ZBTB20: variants seen among roughly 807,000 people sequenced by gnomAD.
The protein encoded by ZBTB20 is zinc finger and BTB domain containing 20.
A neutral mutation model predicts 56.9 loss-of-function variants in ZBTB20; 9 were observed. That is an observed-to-expected ratio of 0.16 (90% CI 0.10 to 0.28). The LOEUF is 0.28. Ranked by LOEUF, ZBTB20 falls within the 10% of genes least tolerant of loss-of-function variation. The probability of loss-of-function intolerance (pLI) is 1.00; values close to 1 mark genes in which losing one functional copy is unlikely to be tolerated. For missense variants in ZBTB20, 655 were observed against 1,003.0 expected, an observed-to-expected ratio of 0.65 and a Z score of 4.69; for synonymous variants, 417 against 420.7, an observed-to-expected ratio of 0.99 and a Z score of 0.11.
chr3:114,909,538 C>A (rs2075446507), intron 3 of ZBTB20, among the ~76,000 whole-genome samples: 2 of 152,006 alleles, frequency 1.3e-5, no homozygotes. Flanking sequence ...CCTAGGCCTT[C>A]ACATTCATTA....
Position 114,532,751 on chromosome 3 carries a change from T to C in ZBTB20, c.-294-32360A>G, listed in dbSNP as rs2048003976. ...TCATACAGGAGAGCTCTGGGTGGCA[T>C]CTGGTGGGTGCCCCTCTGGGATGAA... is the stretch of plus-strand genomic sequence containing the variant. On this transcript the variant is annotated intron_variant, in intron 6 of 11. Coordinates refer to ENST00000675478, the MANE Select transcript of ZBTB20 (RefSeq NM_001348800.3). Among the ~76,000 whole-genome samples, 4 of 152,110 alleles carry C rather than the reference T, an allele frequency of 2.6e-5. No individual in the cohort carries two copies. In the South Asian group the frequency reaches 8.3e-4, roughly 32 times the overall value.
intron 6 of ZBTB20, among the ~76,000 whole-genome samples, chr3:114,681,129 T>C (rs1276876684): frequency 6.6e-6 from 1 of 151,862 alleles, no homozygotes; most frequent in African/African-American, 2.4e-5. Context: ...TATTTACCCA[T>C]TTTAATTAAA....
At chr3:115,066,186 T>C (rs2082200521) in intron 2 of ZBTB20, among the ~76,000 whole-genome samples, 2 of 152,094 alleles carry the variant, frequency 1.3e-5, no homozygotes, top group African/African-American at 4.8e-5. Context: ...CAAATGAATC[T>C]TTTATATCTT....
intron 5 of ZBTB20, among the ~76,000 whole-genome samples, chr3:114,779,192 A>C (rs2069868817): frequency 6.6e-6 from 1 of 152,158 alleles, no homozygotes; most frequent in Non-Finnish European, 1.5e-5. Flanking sequence ...CTTTAACACT[A>C]TGTACACCTA....
chr3:114,500,945 A>G (rs558274640), intron 6 of ZBTB20, among the ~76,000 whole-genome samples: 1 of 152,240 alleles, frequency 6.6e-6, no homozygotes, highest in Non-Finnish European at 1.5e-5. Context: ...ACTATACAGT[A>G]CATGACCAAT....
rs1365725588 is a variant in ZBTB20 at position 114,326,891 on chromosome 3, G to A, written c.*12114C>T. The A allele has an allele frequency of 6.6e-6, 1 of 152,028 alleles. No individual in the cohort carries two copies. Among genetic ancestry groups the A allele is most frequent in the African/African-American group, 2.4e-5 (1 of 41,394 alleles). The allele number at this position is 152,028 out of a possible 1,614,324, so 9.4% of individuals were successfully genotyped here. A position where few individuals can be genotyped will look rare whatever the true frequency, so the allele number is the denominator to read the frequency against. On this transcript the variant is annotated 3_prime_UTR_variant, in exon 12 of 12. Coordinates refer to ENST00000675478, the MANE Select transcript of ZBTB20 (RefSeq NM_001348800.3). ...TCAGAACATTTCCTAAGCTATATTTGTAAATTCTAGAGCTACATATCTGTA... is the reference window on the plus strand; with the variant it reads ...TCAGAACATTTCCTAAGCTATATTTATAAATTCTAGAGCTACATATCTGTA...
At chr3:114,479,569 A>T (rs936866865) in intron 7 of ZBTB20, among the ~76,000 whole-genome samples, 4 of 152,134 alleles carry the variant, frequency 2.6e-5, no homozygotes, top group Non-Finnish European at 5.9e-5. Context: ...CCATATTTGT[A>T]TTGTCCAACC....
intron 7 of ZBTB20, among the ~76,000 whole-genome samples, chr3:114,411,372 G>T (rs1398340610): frequency 1.3e-5 from 2 of 152,140 alleles, no homozygotes; most frequent in African/African-American, 4.8e-5. Flanking sequence ...ACAGTAAGGA[G>T]TGTCTGTAAG....
chr3:114,624,365 A>C (rs1272505721), intron 6 of ZBTB20, among the ~76,000 whole-genome samples: 2 of 151,914 alleles, frequency 1.3e-5, no homozygotes, highest in African/African-American at 4.8e-5. Flanking sequence ...AAACAAAAAA[A>C]AAAAAAACCC....
chr3:114,495,425 A>G (rs1051005643), intron 7 of ZBTB20, among the ~76,000 whole-genome samples: 5 of 151,756 alleles, frequency 3.3e-5, no homozygotes, highest in Non-Finnish European at 7.4e-5. Flanking sequence ...CATGTCCCTG[A>G]GGTGTGTATC....
At chr3:114,852,375 T>G (rs2075044487) in intron 4 of ZBTB20, among the ~76,000 whole-genome samples, 1 of 152,114 alleles carries the variant, frequency 6.6e-6, no homozygotes. Context: ...GTGATTCTCC[T>G]GCCTCAGTCT....
At chr3:114,850,316 CA>C (rs1437079069) in intron 4 of ZBTB20, among the ~76,000 whole-genome samples, 1 of 152,086 alleles carries the variant, frequency 6.6e-6, no homozygotes, top group Non-Finnish European at 1.5e-5. Context: ...ATATTTCAGC[CA>C]CGACCAAAAT....
At chr3:115,113,474 C>T (rs2083935704) in intron 1 of ZBTB20, among the ~76,000 whole-genome samples, 1 of 152,206 alleles carries the variant, frequency 6.6e-6, no homozygotes, top group Non-Finnish European at 1.5e-5. Flanking sequence ...CTGCTTTTGG[C>T]ACTGAAAATC....
chr3:114,473,616 C>A lies in ZBTB20; in HGVS notation c.-255+26736G>T, dbSNP rs546525321. 9.9e-5 allele frequency among the ~76,000 whole-genome samples: 15 copies of A among 152,174 alleles called. No homozygotes were observed. In the South Asian group the frequency reaches 2.7e-3, roughly 27 times the overall value. ...AGGCTGAGGCAGGAGGATCACTGGA[C>A]CCCCAGAGTTTGAGGCCAGCCTGGG... On this transcript the variant is annotated intron_variant, in intron 7 of 11. Transcript: ENST00000675478.
chr3:114,818,927 G>A (rs1353516669), intron 4 of ZBTB20, among the ~76,000 whole-genome samples: 1 of 151,850 alleles, frequency 6.6e-6, no homozygotes, highest in Non-Finnish European at 1.5e-5. Context: ...GAACTTAAAA[G>A]AAATTATTAA....
At chr3:114,483,144 A>C (rs897900135) in intron 7 of ZBTB20, among the ~76,000 whole-genome samples, 60 of 152,300 alleles carry the variant, frequency 3.9e-4, no homozygotes, top group African/African-American at 1.4e-3. Context: ...TTAATAACAT[A>C]AGTCTATTTT....
At chr3:114,883,039 T>C (rs1202997783) in intron 4 of ZBTB20, among the ~76,000 whole-genome samples, 2 of 152,212 alleles carry the variant, frequency 1.3e-5, no homozygotes, top group Middle Eastern at 3.2e-3. Context: ...ATTTCCTCAT[T>C]TGTAAAATAA....
chr3:115,031,869 G>A (rs770733331), intron 2 of ZBTB20, among the ~76,000 whole-genome samples: 18 of 151,400 alleles, frequency 1.2e-4, no homozygotes, highest in Non-Finnish European at 1.6e-4. Flanking sequence ...TTGATATTAA[G>A]TGGGCTTAAA....
chr3:114,495,349 T>C (rs959654983), intron 7 of ZBTB20, among the ~76,000 whole-genome samples: 1 of 152,130 alleles, frequency 6.6e-6, no homozygotes, highest in African/African-American at 2.4e-5. Flanking sequence ...AATGGCTTAG[T>C]AGCTGGATGG....
Sources: allele counts gnomAD v4.1 joint callset (sites outside exome capture counted in the v4.1 genomes callset), GRCh38; gene constraint gnomAD v4.1.1; transcripts MANE v1.5; gene names NCBI Gene and HGNC (gene_info 2026-07-23, HGNC 2026-07-21).